Variants in ELMO1 observed in about 807,000 individuals in gnomAD.
The protein encoded by ELMO1 is engulfment and cell motility protein 1.
ELMO1 carries 26 observed loss-of-function variants against 98.9 expected under a neutral mutation model. That is an observed-to-expected ratio of 0.26 (90% CI 0.19 to 0.36). The LOEUF is 0.36. Among genes scored for constraint, ELMO1 ranks in the 10% least tolerant of loss-of-function variants. ELMO1 has a pLI of 1.00. For synonymous variants in ELMO1, 346 were observed against 346.0 expected (o/e 1.00, Z 0.00); for missense variants, 627 against 935.2 (o/e 0.67, Z 4.30).
At chr7:37,041,345 C>T (rs899744217) in intron 15 of ELMO1, among the ~76,000 whole-genome samples, 1 of 152,150 alleles carries the variant, frequency 6.6e-6, no homozygotes, top group African/African-American at 2.4e-5. Context: ...TCATCATGGA[C>T]AGACTAGAGG....
intron 13 of ELMO1, among the ~76,000 whole-genome samples, chr7:37,138,164 C>T (rs572291060): frequency 4.0e-5 from 6 of 151,264 alleles, no homozygotes; most frequent in South Asian, 2.1e-4. Context: ...GAAACAAGAA[C>T]AATCCAAACC....
intron 4 of ELMO1, among the ~76,000 whole-genome samples, chr7:37,313,912 T>C (rs762841217): frequency 1.3e-5 from 2 of 152,306 alleles, no homozygotes; most frequent in East Asian, 3.9e-4. Context: ...CACCTTGTTA[T>C]AATGACAGCT....
intron 16 of ELMO1, among the ~76,000 whole-genome samples, chr7:36,982,563 T>C (rs1397743186): frequency 6.6e-6 from 1 of 152,240 alleles, no homozygotes; most frequent in Non-Finnish European, 1.5e-5. Context: ...TGTTAAAATG[T>C]CTTCTACACA....
intron 6 of ELMO1, among the ~76,000 whole-genome samples, chr7:37,249,591 T>C (rs1562553366): frequency 6.6e-6 from 1 of 152,182 alleles, no homozygotes; most frequent in East Asian, 1.9e-4. Flanking sequence ...CAGCCGAGTA[T>C]TGACCAAGGT....
chr7:37,070,643 T>C (rs1209044004), intron 15 of ELMO1, among the ~76,000 whole-genome samples: 1 of 152,208 alleles, frequency 6.6e-6, no homozygotes, highest in African/African-American at 2.4e-5. Context: ...CAAGGCTTTC[T>C]TGTTTGGTCT....
chr7:36,980,312 C>T (rs1265380302), intron 16 of ELMO1, among the ~76,000 whole-genome samples: 2 of 152,176 alleles, frequency 1.3e-5, no homozygotes, highest in South Asian at 2.1e-4. Context: ...ATCTCACTAG[C>T]GGTTGACTTA....
chr7:37,154,586 T>C (rs1788599096), intron 13 of ELMO1, among the ~76,000 whole-genome samples: 1 of 151,998 alleles, frequency 6.6e-6, no homozygotes, highest in South Asian at 2.1e-4. Context: ...ATCAAATTAA[T>C]GAAAAAGAGC....
chr7:37,133,005 T>C lies in ELMO1; in HGVS notation c.1191+125A>G, dbSNP rs1048778892. The C allele has an allele frequency of 2.8e-5, 16 of 576,102 alleles. No individual in the cohort carries two copies. In the South Asian group the frequency reaches 5.0e-4, roughly 18 times the overall value. 35.7% of individuals were successfully genotyped at this position (576,102 alleles called of 1,614,324 possible). On this transcript the variant is annotated intron_variant, in intron 14 of 21. Coordinates refer to ENST00000310758, the MANE Select transcript of ELMO1 (RefSeq NM_014800.11). ...TTAATTCTGATTTTTTTTTTTTTTT[T>C]AGTTTACTAAGAAAGACAGAAAATA...
At chr7:36,936,960 C>T (rs1786586780) in intron 16 of ELMO1, among the ~76,000 whole-genome samples, 1 of 152,188 alleles carries the variant, frequency 6.6e-6, no homozygotes, top group Admixed American at 6.5e-5. Flanking sequence ...TGCTTCACCT[C>T]AATTAGGGGG....
At chr7:37,214,140 A>G (rs1793147237) in intron 11 of ELMO1, among the ~76,000 whole-genome samples, 1 of 152,292 alleles carries the variant, frequency 6.6e-6, no homozygotes, top group South Asian at 2.1e-4. Flanking sequence ...TCCACCCCCA[A>G]TCCCCTCACC....
chr7:36,910,100 T>A (rs1784238778), intron 16 of ELMO1, among the ~76,000 whole-genome samples: 1 of 152,202 alleles, frequency 6.6e-6, no homozygotes, highest in Admixed American at 6.5e-5. Flanking sequence ...AGTATAGAAC[T>A]CAACTCACAC....
At chr7:37,322,151 C>T (rs979618911) in intron 2 of ELMO1, among the ~76,000 whole-genome samples, 1 of 151,800 alleles carries the variant, frequency 6.6e-6, no homozygotes, top group Non-Finnish European at 1.5e-5. Flanking sequence ...AGCCACCACA[C>T]CTGGCCCTAA....
intron 5 of ELMO1, chr7:37,270,557 G>C (rs1460030258): frequency 6.6e-6 from 1 of 152,176 alleles, no homozygotes; most frequent in Non-Finnish European, 1.5e-5. Flanking sequence ...AGTGAAAATA[G>C]TAACACTTGG....
intron 4 of ELMO1, among the ~76,000 whole-genome samples, chr7:37,285,953 T>C (rs575132992): frequency 6.6e-6 from 1 of 152,064 alleles, no homozygotes; most frequent in East Asian, 1.9e-4. Context: ...AATGGGCAAG[T>C]TAGAGCCTGT....
rs1166422281 is a variant in ELMO1, at chr7:37,267,036, TATACACAC to T, written c.243+4788_243+4795del. ...TAAAAAAAAAAAAAAAATATGTATA[TATACACAC>T]ACACACACACACACACACACACACA... On this transcript the variant is annotated intron_variant, in intron 5 of 21. Coordinates refer to ENST00000310758, the MANE Select transcript of ELMO1 (RefSeq NM_014800.11). Among the ~76,000 whole-genome samples, 210 of 26,930 alleles carry T rather than the reference TATACACAC, an allele frequency of 7.8e-3. 13 individuals are homozygous for T. Among genetic ancestry groups the T allele is most frequent in the African/African-American group, 0.028 (176 of 6,350 alleles). The allele number at this position is 26,930 out of a possible 152,430, so 17.7% of individuals were successfully genotyped here. A position where few individuals can be genotyped will look rare whatever the true frequency, so the allele number is the denominator to read the frequency against.
rs570690032 is a variant in ELMO1 at position 37,087,751 on chromosome 7, TTTATCA to T, written c.1300+8862_1300+8867del. On this transcript the variant is annotated intron_variant, in intron 15 of 21. Coordinates refer to ENST00000310758, the MANE Select transcript of ELMO1 (RefSeq NM_014800.11). ...TTTTTATTTGCCGTGGTTTTTACCA[TTTATCA>T]TTATTTTTTATTATCTTCAAGGTTT... Among the ~76,000 whole-genome samples, 986 of 152,326 alleles carry T rather than the reference TTTATCA, an allele frequency of 6.5e-3. 2 individuals are homozygous for T. The highest frequency in any genetic ancestry group is 0.023 in the African/African-American group (952 of 41,566).
At chr7:37,311,046 T>C (rs933489387) in intron 4 of ELMO1, among the ~76,000 whole-genome samples, 1 of 151,996 alleles carries the variant, frequency 6.6e-6, no homozygotes, top group African/African-American at 2.4e-5. Flanking sequence ...AATAGTTAAG[T>C]TTCTAGAGCA....
intron 4 of ELMO1, among the ~76,000 whole-genome samples, chr7:37,274,350 TTTATA>T (rs1796717152): frequency 1.3e-5 from 2 of 152,292 alleles, no homozygotes; most frequent in African/African-American, 4.8e-5. Flanking sequence ...CTAAAAATCC[TTTATA>T]TTAGTGATTA....
intron 14 of ELMO1, among the ~76,000 whole-genome samples, chr7:37,111,188 T>C (rs1785231513): frequency 6.6e-6 from 1 of 152,130 alleles, no homozygotes; most frequent in African/African-American, 2.4e-5. Flanking sequence ...AGAGAGTCAG[T>C]AAGAGAGTGT....
Sources: gnomAD v4.1 joint callset for allele counts (sites outside exome capture counted in the v4.1 genomes callset) on GRCh38, gnomAD v4.1.1 for gene constraint, MANE v1.5 for transcripts, NCBI Gene and HGNC (gene_info 2026-07-23, HGNC 2026-07-21) for gene names.